The following GIT2 variants were observed in gnomAD, a reference collection of about 807,000 sequenced individuals.
GIT2 encodes the protein GIT ArfGAP 2.
In GIT2, 32 loss-of-function variants were observed where a neutral mutation model predicts 100.3. The observed-to-expected ratio is 0.32, with a 90% CI of 0.24 to 0.43. The LOEUF (loss-of-function observed/expected upper bound fraction) is 0.43, where lower values mean the gene tolerates loss of function less well. Ranked by LOEUF, GIT2 falls within the 20% of genes least tolerant of loss-of-function variation. GIT2 has a pLI of 1.00. For missense variants in GIT2, 737 were observed against 975.1 expected (o/e 0.76, Z 3.25); for synonymous variants, 353 against 364.1 (o/e 0.97, Z 0.35).
chr12:109,950,528 T>C (rs1877540554), intron 14 of GIT2, among the ~76,000 whole-genome samples: 1 of 152,226 alleles, frequency 6.6e-6, no homozygotes, highest in African/African-American at 2.4e-5. Flanking sequence ...ACACTCCTTT[T>C]AGGGATTAAT....
Position 109,948,852 on chromosome 12 carries a change from A to T in GIT2, c.1393-1348T>A. Reference sequence around the variant, plus strand: ...TTAGCATCTTTTCCAAGCAACTGTTAAATGTGAAAGATCAGATACAAATCA... The same window carrying T: ...TTAGCATCTTTTCCAAGCAACTGTTTAATGTGAAAGATCAGATACAAATCA... On this transcript the variant is annotated intron_variant, in intron 14 of 19. Coordinates refer to ENST00000355312, the MANE Select transcript of GIT2 (RefSeq NM_057169.5). This position sits in a 1 kb window ranked among gnomAD's most constrained non-coding sequence, Gnocchi z 4.3. 6.3e-7 allele frequency: 1 copy of T among 1,587,290 alleles called. No homozygotes were observed. Among genetic ancestry groups the T allele is most frequent in the East Asian group, 2.2e-5 (1 of 44,678 alleles).
At position 109,947,246 on chromosome 12, in the gene GIT2, T is replaced by C. The variant is rs1876594340; in HGVS notation, c.1641+10A>G. 1 of 1,609,492 alleles carries C rather than the reference T, an allele frequency of 6.2e-7. No homozygotes were observed. Among genetic ancestry groups the C allele is most frequent in the Non-Finnish European group, 8.5e-7 (1 of 1,177,130 alleles). ...GAGTGAACAGCAGAAGCGCCAGTGG[T>C]GTTACTTACGTGCGCGGGGAAGGGC... On this transcript the variant is annotated intron_variant, in intron 15 of 19. Coordinates refer to ENST00000355312, the MANE Select transcript of GIT2 (RefSeq NM_057169.5). The surrounding 1 kb of genome is among the most constrained non-coding windows in gnomAD (Gnocchi z 4.3).
chr12:109,993,615 A>T (rs1379910269), intron 1 of GIT2, among the ~76,000 whole-genome samples: 1 of 152,252 alleles, frequency 6.6e-6, no homozygotes, highest in African/African-American at 2.4e-5. Context: ...GGATATAGAG[A>T]ATAAGTGAAG....
At chr12:109,995,331 T>C (rs1316566501) in intron 1 of GIT2, among the ~76,000 whole-genome samples, 1 of 152,246 alleles carries the variant, frequency 6.6e-6, no homozygotes, top group Non-Finnish European at 1.5e-5. Flanking sequence ...TTGCGTTTGT[T>C]TCCGTTGTAA....
chr12:109,948,983 T>C lies in GIT2; in HGVS notation c.1393-1479A>G. 1 of 617,980 alleles carries C rather than the reference T, an allele frequency of 1.6e-6. No homozygotes were observed. Among genetic ancestry groups the C allele is most frequent in the East Asian group, 2.9e-5 (1 of 35,016 alleles). The allele number at this position is 617,980 out of a possible 1,614,324, so 38.3% of individuals were successfully genotyped here. On this transcript the variant is annotated intron_variant, in intron 14 of 19. Transcript: ENST00000355312. The surrounding 1 kb of genome is among the most constrained non-coding windows in gnomAD (Gnocchi z 4.3). ...AATTCCATATACTTTATATTAATCA[T>C]GCCAAACTGCTGTGAAAGTGTGACT...
At chr12:109,982,799 C>A (rs1463145169) in intron 6 of GIT2, 1 of 152,004 alleles carries the variant, frequency 6.6e-6, no homozygotes, top group Non-Finnish European at 1.5e-5. Context: ...GCCACCATGC[C>A]CAGCCAATTT....
In GIT2 at chr12:109,934,578, A is replaced by C. The variant is rs1001287458; in HGVS notation, c.2004-493T>G. ...AAATATTTTTTTGTAGAGGAGTCCC[A>C]CTATGTCGCCCAGCCTTGTGTTGAA... On this transcript the variant is annotated intron_variant, in intron 18 of 19. Coordinates refer to ENST00000355312, the MANE Select transcript of GIT2 (RefSeq NM_057169.5). This position sits in a 1 kb window ranked among gnomAD's most constrained non-coding sequence, Gnocchi z 4.5. Among the ~76,000 whole-genome samples, 8 of 152,146 alleles carry C rather than the reference A, an allele frequency of 5.3e-5. No homozygotes were observed. Among genetic ancestry groups the C allele is most frequent in the African/African-American group, 1.9e-4 (8 of 41,446 alleles).
Position 109,961,628 on chromosome 12 carries a change from G to T in GIT2, c.874C>A (p.Arg292=). The T allele has an allele frequency of 6.2e-7, 1 of 1,602,940 alleles. No individual in the cohort carries two copies. The highest frequency in any genetic ancestry group is 8.5e-7 in the Non-Finnish European group (1 of 1,170,040). ...GTCAAGTCACCTGCATCCGTCTCTC[G>T]CCTGTCAACTTCATCGTACACATCC... is the stretch of plus-strand genomic sequence containing the variant. ...AMDVYDEVDR[R]ETDAVWLATQ... The change falls in exon 10 of 20, where the codon CGA becomes AGA. Residue 292 remains arginine (R), a synonymous_variant. Coordinates refer to ENST00000355312, the MANE Select transcript of GIT2 (RefSeq NM_057169.5).
In GIT2 at chr12:109,951,110, C is replaced by T. The variant is rs145339702; in HGVS notation, c.1392+57G>A. 102 of 1,457,192 alleles carry T rather than the reference C, an allele frequency of 7.0e-5. No individual in the cohort carries two copies. The African/African-American group carries it at 1.2e-3, about 18-fold the overall frequency. The allele number at this position is 1,457,192 out of a possible 1,614,324, so 90.3% of individuals were successfully genotyped here. On this transcript the variant is annotated intron_variant, in intron 14 of 19. Transcript: ENST00000355312. Reference sequence around the variant, plus strand: ...GGACCACATCACAGTGCCTGAGATTCTTCCTTGTACTATGGGATTAAAGCG... The same window carrying T: ...GGACCACATCACAGTGCCTGAGATTTTTCCTTGTACTATGGGATTAAAGCG...
rs1274027111 is a variant in GIT2, at chr12:109,989,629, T to A, written c.299+61A>T. 22 of 946,002 alleles carry A rather than the reference T, an allele frequency of 2.3e-5. No homozygotes were observed. In the East Asian group the frequency reaches 4.8e-4, roughly 21 times the overall value. 58.6% of individuals were successfully genotyped at this position (946,002 alleles called of 1,614,324 possible). On this transcript the variant is annotated intron_variant, in intron 3 of 19. Transcript: ENST00000355312. ...GGAGACTGACCAAAAATAGCTGCAC[T>A]CCTTTCAGTGGGCCCCATTTGTTAT...
At chr12:109,956,112 A>G (rs1879379315) in intron 12 of GIT2, among the ~76,000 whole-genome samples, 1 of 152,128 alleles carries the variant, frequency 6.6e-6, no homozygotes, top group South Asian at 2.1e-4. Flanking sequence ...TTGTATTTTT[A>G]GTAGAGACAG....
intron 7 of GIT2, among the ~76,000 whole-genome samples, chr12:109,972,226 T>C (rs1884061695): frequency 6.6e-6 from 1 of 152,170 alleles, no homozygotes; most frequent in Non-Finnish European, 1.5e-5. Context: ...TCCAGTGTGA[T>C]GTAGAAGAGA....
chr12:109,952,711 C>A, intron 13 of GIT2: 1 of 491,954 alleles, frequency 2.0e-6, no homozygotes, highest in Non-Finnish European at 4.0e-6. Context: ...TCTCTCTGCT[C>A]ACTCCCTCAG....
chr12:109,993,711 A>G (rs1888827207), intron 1 of GIT2, among the ~76,000 whole-genome samples: 1 of 152,188 alleles, frequency 6.6e-6, no homozygotes, highest in African/African-American at 2.4e-5. Flanking sequence ...TCTAGACGTG[A>G]AATTCATGAT....
At chr12:109,949,200 G>A (rs1877170058) in intron 14 of GIT2, among the ~76,000 whole-genome samples, 1 of 152,240 alleles carries the variant, frequency 6.6e-6, no homozygotes, top group African/African-American at 2.4e-5. Context: ...CCAGGATACA[G>A]ACAGGCATGA....
At chr12:109,978,178 G>A (rs1389116998) in intron 7 of GIT2, among the ~76,000 whole-genome samples, 1 of 149,570 alleles carries the variant, frequency 6.7e-6, no homozygotes, top group Non-Finnish European at 1.5e-5. Flanking sequence ...TACCTCCCAG[G>A]TTCAAGTGAT....
intron 11 of GIT2, among the ~76,000 whole-genome samples, chr12:109,960,288 T>C (rs1880702983): frequency 6.6e-6 from 1 of 152,222 alleles, no homozygotes; most frequent in Non-Finnish European, 1.5e-5. Flanking sequence ...AGTTTGGAAG[T>C]AGACCCAGTA....
intron 2 of GIT2, among the ~76,000 whole-genome samples, chr12:109,990,284 C>G (rs1430784648): frequency 6.6e-6 from 1 of 152,134 alleles, no homozygotes; most frequent in Non-Finnish European, 1.5e-5. Flanking sequence ...TTGAATACCA[C>G]TGGTGGTTCC....
rs1017719819 is a variant in GIT2 at position 109,944,179 on chromosome 12, CTAAAAAA to C, written c.1731+1074_1731+1080del. On this transcript the variant is annotated intron_variant, in intron 16 of 19. Coordinates refer to ENST00000355312, the MANE Select transcript of GIT2 (RefSeq NM_057169.5). Reference sequence around the variant, plus strand: ...GACTGGGCAACATGAGACTCTGTCTCTAAAAAATAAAAAATAAAAAAACGAATCCTGA... The same window carrying C: ...GACTGGGCAACATGAGACTCTGTCTCTAAAAAATAAAAAAACGAATCCTGA... 6.6e-5 allele frequency among the ~76,000 whole-genome samples: 10 copies of C among 151,942 alleles called. No individual in the cohort carries two copies. The East Asian group carries it at 1.2e-3, about 18-fold the overall frequency.
Sources: allele counts gnomAD v4.1 joint callset (sites outside exome capture counted in the v4.1 genomes callset), GRCh38; gene constraint gnomAD v4.1.1; non-coding constraint Gnocchi (gnomAD v3.1); transcripts MANE v1.5; gene names NCBI Gene and HGNC (gene_info 2026-07-23, HGNC 2026-07-21).